Variants in EPCAM observed in about 807,000 individuals in gnomAD.
EPCAM encodes epithelial cell adhesion molecule, also known as adenocarcinoma-associated antigen.
A neutral mutation model predicts 40.0 loss-of-function variants in EPCAM; 39 were observed. The ratio of observed to expected loss-of-function variants is 0.98; its 90% CI spans 0.76 to 1.27. EPCAM has a LOEUF of 1.27. Among genes scored for constraint, EPCAM ranks in the 50% most tolerant of loss-of-function variants. The pLI, the probability that EPCAM is intolerant of heterozygous loss-of-function variation, is 0.00. For synonymous variants in EPCAM, 168 were observed against 132.3 expected, an observed-to-expected ratio of 1.27 and a Z score of -1.85; for missense variants, 503 against 381.2, an observed-to-expected ratio of 1.32 and a Z score of -2.66.
At chr2:47,374,369 T>C (rs918339447) in intron 3 of EPCAM, among the ~76,000 whole-genome samples, 2 of 152,230 alleles carry the variant, frequency 1.3e-5, no homozygotes, top group Non-Finnish European at 2.9e-5. Flanking sequence ...ATTTCATTGT[T>C]GCATTAGTAG....
At position 47,386,658 on chromosome 2, in the gene EPCAM, C is replaced by G. The variant is rs932163570; in HGVS notation, c.*45C>G. 1.9e-5 allele frequency: 28 copies of G among 1,437,492 alleles called. No individual in the cohort carries two copies. The Admixed American group carries it at 3.7e-4, about 19-fold the overall frequency. 89.0% of individuals were successfully genotyped at this position (1,437,492 alleles called of 1,614,324 possible). ...TAGAAGAAGGGAAATAGCAAATGGA[C>G]ACAAATTACAAATGTGTGTGCGTGG... On this transcript the variant is annotated 3_prime_UTR_variant, in exon 9 of 9. Transcript: ENST00000263735.
chr2:47,370,260 CTTTCTT>C (rs1337364584), intron 1 of EPCAM, among the ~76,000 whole-genome samples: 1 of 152,086 alleles, frequency 6.6e-6, no homozygotes, highest in Non-Finnish European at 1.5e-5. Context: ...GTGTATCTTT[CTTTCTT>C]TTTATTTATT....
Position 47,377,090 on chromosome 2 carries a change from A to G in EPCAM, c.555+13A>G, listed in dbSNP as rs1469599295. ...CACGAGTATTTTGGTATGATTTTTTAATAAGTGAGCTTTAGCAGACAGTTG... is the reference window on the plus strand; with the variant it reads ...CACGAGTATTTTGGTATGATTTTTTGATAAGTGAGCTTTAGCAGACAGTTG... On this transcript the variant is annotated intron_variant, in intron 5 of 8. Coordinates refer to ENST00000263735, the MANE Select transcript of EPCAM (RefSeq NM_002354.3). The G allele has an allele frequency of 6.4e-7, 1 of 1,560,010 alleles. No individual in the cohort carries two copies. The highest frequency in any genetic ancestry group is 1.1e-5 in the South Asian group (1 of 89,970).
At chr2:47,375,805 A>G (rs531262484) in intron 4 of EPCAM, among the ~76,000 whole-genome samples, 5 of 151,368 alleles carry the variant, frequency 3.3e-5, no homozygotes, top group African/African-American at 1.2e-4. Context: ...TGCCGGTTTC[A>G]AGCGATTCTC....
Position 47,375,309 on chromosome 2 carries a change from A to G in EPCAM, c.491+10A>G, listed in dbSNP as rs751317067. The G allele has an allele frequency of 3.8e-6, 6 of 1,578,884 alleles. No individual in the cohort carries two copies. The highest frequency in any genetic ancestry group is 1.1e-5 in the South Asian group (1 of 90,366). ...GTAAAAGTTTGCGGACGTAAGTGCAATTAAATGCATCATATTCTTGCACAG... is the reference window on the plus strand; with the variant it reads ...GTAAAAGTTTGCGGACGTAAGTGCAGTTAAATGCATCATATTCTTGCACAG... On this transcript the variant is annotated intron_variant, in intron 4 of 8. Coordinates refer to ENST00000263735, the MANE Select transcript of EPCAM (RefSeq NM_002354.3).
At chr2:47,369,715 G>C in intron 1 of EPCAM, 134 bp downstream of exon 1, 1 of 938,304 alleles carries the variant, frequency 1.1e-6, no homozygotes, top group Non-Finnish European at 1.7e-6. Flanking sequence ...GAGACCGGAC[G>C]GTGCGGCCGT....
At position 47,379,347 on chromosome 2, in the gene EPCAM, T is replaced by G. The variant is rs1470605915; in HGVS notation, c.657+293T>G. On this transcript the variant is annotated intron_variant, in intron 6 of 8. Coordinates refer to ENST00000263735, the MANE Select transcript of EPCAM (RefSeq NM_002354.3). ...ATGCTCCCCTATGATATTTATAATTTACACAAATAAAAGTCTGTTAAAAAA... is the reference window on the plus strand; with the variant it reads ...ATGCTCCCCTATGATATTTATAATTGACACAAATAAAAGTCTGTTAAAAAA... 6.6e-5 allele frequency among the ~76,000 whole-genome samples: 10 copies of G among 152,362 alleles called. No homozygotes were observed. In the South Asian group the frequency reaches 1.7e-3, roughly 25 times the overall value.
Position 47,373,565 on chromosome 2 carries a change from C to T in EPCAM, c.179C>T (p.Ser60Leu), listed in dbSNP as rs147494515. ...SVGAQNTVIC[S>L]KLAAKCLVMK... ...GGTGCACAAAATACTGTCATTTGCT[C>T]AAAGCGTGAGTAAAATATCCTAATT... The change falls in exon 2 of 9, where the codon TCA (serine) becomes TTA (leucine). Residue 60 changes from serine (S) to leucine (L), a missense_variant. Coordinates refer to ENST00000263735, the MANE Select transcript of EPCAM (RefSeq NM_002354.3). 6.9e-5 allele frequency: 111 copies of T among 1,606,780 alleles called. No individual in the cohort carries two copies. The highest frequency in any genetic ancestry group is 7.3e-5 in the Non-Finnish European group (86 of 1,173,712).
chr2:47,378,578 A>T (rs888509714), intron 5 of EPCAM, among the ~76,000 whole-genome samples: 2 of 152,150 alleles, frequency 1.3e-5, no homozygotes, highest in Non-Finnish European at 2.9e-5. Context: ...CTGGGATTAC[A>T]GGCATGAGCC....
chr2:47,386,908 C>G lies in EPCAM; in HGVS notation c.*295C>G. 3.5e-6 allele frequency: 1 copy of G among 284,390 alleles called. No individual in the cohort carries two copies. The allele number at this position is 284,390 out of a possible 1,614,324, so 17.6% of individuals were successfully genotyped here. ...TCAAATGTGTGCATTAAATATGCTT[C>G]CACAGTAAAATCTGAAAAACTGATT... On this transcript the variant is annotated 3_prime_UTR_variant, in exon 9 of 9. Coordinates refer to ENST00000263735, the MANE Select transcript of EPCAM (RefSeq NM_002354.3).
intron 4 of EPCAM, among the ~76,000 whole-genome samples, chr2:47,376,596 T>A (rs1466557944): frequency 6.6e-6 from 1 of 152,152 alleles, no homozygotes; most frequent in Non-Finnish European, 1.5e-5. Context: ...AGGTTATGCA[T>A]TTTTGACAGG....
chr2:47,378,442 C>T (rs1671486671), intron 5 of EPCAM, among the ~76,000 whole-genome samples: 2 of 151,672 alleles, frequency 1.3e-5, no homozygotes, highest in Admixed American at 6.6e-5. Context: ...GCTGGGATTA[C>T]AGGCAATGTG....
At position 47,369,492 on chromosome 2, in the gene EPCAM, GGC is replaced by G. The variant is rs1298156580; in HGVS notation, c.-5_-4del. The G allele has an allele frequency of 3.9e-6, 6 of 1,526,414 alleles. No individual in the cohort carries two copies. Among genetic ancestry groups the G allele is most frequent in the Admixed American group, 2.0e-5 (1 of 49,332 alleles). 94.6% of individuals were successfully genotyped at this position (1,526,414 alleles called of 1,614,324 possible). On this transcript the variant is annotated 5_prime_UTR_variant, in exon 1 of 9. Coordinates refer to ENST00000263735, the MANE Select transcript of EPCAM (RefSeq NM_002354.3). ...GGGCCCCTCCCGCGCCCCTCTTCTC[GGC>G]GCGCGCGCAGCATGGCGCCCCCGCA...
intron 4 of EPCAM, among the ~76,000 whole-genome samples, chr2:47,375,995 C>T (rs558426455): frequency 1.5e-4 from 23 of 152,144 alleles, no homozygotes; most frequent in South Asian, 6.2e-4. Context: ...TGAGCTTCCG[C>T]GCCCGGCCAG....
chr2:47,376,748 C>A (rs1012529285), intron 4 of EPCAM, among the ~76,000 whole-genome samples: 5 of 152,168 alleles, frequency 3.3e-5, no homozygotes, highest in Non-Finnish European at 2.9e-5. Flanking sequence ...TACCATTCTC[C>A]CTTTGTAATC....
chr2:47,369,362 C>T lies in EPCAM; in HGVS notation c.-144C>T. The T allele has an allele frequency of 8.3e-7, 1 of 1,200,940 alleles. No homozygotes were observed. The allele number at this position is 1,200,940 out of a possible 1,614,324, so 74.4% of individuals were successfully genotyped here. ...AGCACCTTCGACGCGGTCCGGGGAC[C>T]CCCTCGTCGCTGTCCTCCCGACGCG... On this transcript the variant is annotated 5_prime_UTR_variant, in exon 1 of 9. Coordinates refer to ENST00000263735, the MANE Select transcript of EPCAM (RefSeq NM_002354.3).
chr2:47,375,406 AAT>A (rs1671396285), intron 4 of EPCAM, 107 bp downstream of exon 4: 1 of 757,380 alleles, frequency 1.3e-6, no homozygotes, highest in Non-Finnish European at 2.3e-6. Context: ...ATTTCTGAAA[AAT>A]AAAGTTACTT....
intron 4 of EPCAM, among the ~76,000 whole-genome samples, chr2:47,376,659 C>G (rs1021537847): frequency 2.0e-5 from 3 of 152,160 alleles, no homozygotes; most frequent in Non-Finnish European, 4.4e-5. Flanking sequence ...TTAGGAGTTG[C>G]ATGATGTCAG....
Position 47,373,597 on chromosome 2 carries a change from A to G in EPCAM, c.184+27A>G, listed in dbSNP as rs369023369. The stretch of plus-strand genomic sequence containing the variant: ...TGAGTAAAATATCCTAATTACCTGT[A>G]AGCTTTATTTTGACTTAATACTTCT... On this transcript the variant is annotated intron_variant, in intron 2 of 8. Transcript: ENST00000263735. The G allele has an allele frequency of 1.4e-4, 218 of 1,554,932 alleles. No individual in the cohort carries two copies. In the African/African-American group the frequency reaches 2.8e-3, roughly 20 times the overall value.
Sources: gnomAD v4.1 joint callset for allele counts (sites outside exome capture counted in the v4.1 genomes callset) on GRCh38, gnomAD v4.1.1 for gene constraint, MANE v1.5 for transcripts, NCBI Gene and HGNC (gene_info 2026-07-23, HGNC 2026-07-21) for gene names.